The following PTGIS variants were observed in gnomAD, a reference collection of about 807,000 sequenced individuals.
PTGIS encodes prostaglandin I2 synthase.
PTGIS carries 45 observed loss-of-function variants against 50.3 expected under a neutral mutation model. The observed-to-expected ratio is 0.90, with a 90% CI of 0.70 to 1.15. The LOEUF is 1.15. Ranked by LOEUF, PTGIS falls within the 50% of genes most tolerant of loss-of-function variation. PTGIS has a pLI of 0.00. For missense variants in PTGIS, 668 were observed against 661.3 expected (o/e 1.01, Z -0.11); for synonymous variants, 260 against 267.7 (o/e 0.97, Z 0.28).
intron 9 of PTGIS, among the ~76,000 whole-genome samples, chr20:49,509,037 G>A (rs915477162): frequency 6.6e-6 from 1 of 152,248 alleles, no homozygotes; most frequent in African/African-American, 2.4e-5. Flanking sequence ...GAAGAAGAGG[G>A]CAGATGAGGA....
At chr20:49,530,948 A>G (rs947521200) in intron 5 of PTGIS, among the ~76,000 whole-genome samples, 2 of 152,006 alleles carry the variant, frequency 1.3e-5, no homozygotes, top group Admixed American at 1.3e-4. Flanking sequence ...TTTAGTAGAG[A>G]CAGGGTCTCA....
chr20:49,561,582 C>T (rs1474025205), intron 1 of PTGIS, among the ~76,000 whole-genome samples: 1 of 152,220 alleles, frequency 6.6e-6, no homozygotes, highest in African/African-American at 2.4e-5. Context: ...AGACTGGACC[C>T]AGAAGCAGTG....
chr20:49,511,430 C>T (rs1437910935), intron 8 of PTGIS, among the ~76,000 whole-genome samples: 3 of 152,134 alleles, frequency 2.0e-5, no homozygotes, highest in African/African-American at 7.2e-5. Context: ...TTGCATGATC[C>T]TATACACACA....
At chr20:49,508,661 T>C (rs1245716316) in intron 9 of PTGIS, among the ~76,000 whole-genome samples, 1 of 152,228 alleles carries the variant, frequency 6.6e-6, no homozygotes, top group African/African-American at 2.4e-5. Context: ...CTTAGGTGTC[T>C]TTGTGAGATT....
In PTGIS at chr20:49,539,707, G is replaced by A. The variant is rs1421035669; in HGVS notation, c.536C>T (p.Thr179Ile). Residue 179 changes from threonine (T) to isoleucine (I), a missense_variant, in exon 5 of 10, where the codon ACT becomes ATT. By Grantham distance (89) the Thr-to-Ile change is moderately conservative. Coordinates refer to ENST00000244043, the MANE Select transcript of PTGIS (RefSeq NM_000961.4). Reference sequence around the variant, plus strand: ...TGGCAGCGCCTCAATTCCGTAAAGAGTCAGGTAGCCGGCTCTGGGGGCGGC... The same window carrying A: ...TGGCAGCGCCTCAATTCCGTAAAGAATCAGGTAGCCGGCTCTGGGGGCGGC... ...YSFLLRAGYLTLYGIEALPRT... is the reference protein window; with the variant it reads ...YSFLLRAGYLILYGIEALPRT... The A allele has an allele frequency of 6.2e-7, 1 of 1,612,756 alleles. No individual in the cohort carries two copies. Among genetic ancestry groups the A allele is most frequent in the Admixed American group, 1.7e-5 (1 of 59,962 alleles).
At chr20:49,565,910 C>G (rs965245424) in intron 1 of PTGIS, among the ~76,000 whole-genome samples, 12 of 152,146 alleles carry the variant, frequency 7.9e-5, no homozygotes, top group African/African-American at 2.9e-4. Context: ...CACTGTTGAC[C>G]CTTCCAAGGT....
rs532183321 is a variant in PTGIS, at chr20:49,564,257, A to AT, written c.74+3785dup. ...CAAGGGTGGAATATCATGACATCTA[A>AT]TTTTTTTTTTTTGAGATGGAGTCTC... On this transcript the variant is annotated intron_variant, in intron 1 of 9. Coordinates refer to ENST00000244043, the MANE Select transcript of PTGIS (RefSeq NM_000961.4). Among the ~76,000 whole-genome samples the AT allele has an allele frequency of 3.1e-3, 464 of 147,870 alleles. 4 individuals carry two copies. In the South Asian group the frequency reaches 0.052, roughly 17 times the overall value.
intron 3 of PTGIS, among the ~76,000 whole-genome samples, chr20:49,545,721 G>A (rs146604419): frequency 4.9e-4 from 74 of 152,266 alleles, no homozygotes; most frequent in African/African-American, 1.7e-3. Context: ...TATCCCTACA[G>A]CAAGTGAAGT....
At chr20:49,551,515 A>T (rs1442269647) in intron 1 of PTGIS, among the ~76,000 whole-genome samples, 1 of 152,114 alleles carries the variant, frequency 6.6e-6, no homozygotes, top group African/African-American at 2.4e-5. Flanking sequence ...CCCCACATCA[A>T]GTTGTCCTGT....
chr20:49,508,066 TG>T lies in PTGIS; in HGVS notation c.1359-3del. On this transcript the variant is annotated splice_polypyrimidine_tract_variant and splice_region_variant and intron_variant, in intron 9 of 9. Transcript: ENST00000244043. ...TGCACCAGCACAAGGAACACAAATC[TG>T]CAGAGAGATGGCATGGAAGGTGTGA... The T allele has an allele frequency of 6.2e-7, 1 of 1,613,668 alleles. No individual in the cohort carries two copies. Among genetic ancestry groups the T allele is most frequent in the Non-Finnish European group, 8.5e-7 (1 of 1,180,010 alleles).
chr20:49,524,567 T>C (rs1601185762), intron 5 of PTGIS, among the ~76,000 whole-genome samples: 1 of 152,296 alleles, frequency 6.6e-6, no homozygotes, highest in East Asian at 1.9e-4. Flanking sequence ...TATTAGTCTG[T>C]TTTCATGCTG....
At position 49,544,257 on chromosome 20, in the gene PTGIS, G is replaced by A. The variant is rs777497450; in HGVS notation, c.521+48C>T. On this transcript the variant is annotated intron_variant, in intron 4 of 9. Coordinates refer to ENST00000244043, the MANE Select transcript of PTGIS (RefSeq NM_000961.4). ...TGGCCACTGCTCATGGCTGACACAG[G>A]TCAAAGTGCCGGGCCCCAGCAGGAG... The A allele has an allele frequency of 1.9e-5, 30 of 1,611,002 alleles. No individual in the cohort carries two copies. In the Admixed American group the frequency reaches 4.3e-4, roughly 23 times the overall value.
intron 1 of PTGIS, among the ~76,000 whole-genome samples, chr20:49,565,506 A>T (rs943822469): frequency 1.2e-4 from 18 of 152,110 alleles, no homozygotes; most frequent in Non-Finnish European, 2.9e-5. Context: ...TCTCTACAAA[A>T]TTTTTAAAAT....
intron 8 of PTGIS, among the ~76,000 whole-genome samples, chr20:49,512,105 A>T (rs1292148968): frequency 6.6e-6 from 1 of 151,344 alleles, no homozygotes. Flanking sequence ...AGACGGATGG[A>T]TAGATGGATG....
rs1982170485 is a variant in PTGIS at position 49,539,589 on chromosome 20, G to A, written c.654C>T (p.Ala218=). The A allele has an allele frequency of 1.2e-6, 2 of 1,613,762 alleles. No individual in the cohort carries two copies. Among genetic ancestry groups the A allele is most frequent in the Admixed American group, 1.7e-5 (1 of 59,988 alleles). ...RQLDRLLPKL[A]RGSLSVGDKD... is the part of the protein sequence containing the mutation. Reference sequence around the variant, plus strand: ...GCTTACCCACTGACAGGGAGCCACGGGCCAGTTTGGGGAGCAGCCGGTCGA... The same window carrying A: ...GCTTACCCACTGACAGGGAGCCACGAGCCAGTTTGGGGAGCAGCCGGTCGA... The change falls in exon 5 of 10, where the codon GCC becomes GCT. Residue 218 remains alanine (A), a synonymous_variant. Coordinates refer to ENST00000244043, the MANE Select transcript of PTGIS (RefSeq NM_000961.4).
chr20:49,567,948 G>A, intron 1 of PTGIS, 95 bp downstream of exon 1: 1 of 1,219,972 alleles, frequency 8.2e-7, no homozygotes, highest in Non-Finnish European at 1.1e-6. Context: ...CGGGACTCGG[G>A]CCGGGCCGGC....
At chr20:49,558,546 C>A (rs1182349679) in intron 1 of PTGIS, among the ~76,000 whole-genome samples, 1 of 152,146 alleles carries the variant, frequency 6.6e-6, no homozygotes, top group African/African-American at 2.4e-5. Flanking sequence ...CAAGACCCAG[C>A]AATGTACCCT....
At chr20:49,537,003 A>T (rs1378792556) in intron 5 of PTGIS, among the ~76,000 whole-genome samples, 1 of 152,176 alleles carries the variant, frequency 6.6e-6, no homozygotes, top group Non-Finnish European at 1.5e-5. Flanking sequence ...GGCAAGTAGA[A>T]GTAACTTGCT....
chr20:49,559,933 T>A (rs1982722497), intron 1 of PTGIS, among the ~76,000 whole-genome samples: 1 of 151,978 alleles, frequency 6.6e-6, no homozygotes, highest in Admixed American at 6.6e-5. Context: ...ACACTTTTTT[T>A]TTTTTTTTTG....
Sources: allele counts gnomAD v4.1 joint callset (sites outside exome capture counted in the v4.1 genomes callset), GRCh38; gene constraint gnomAD v4.1.1; transcripts MANE v1.5; gene names NCBI Gene and HGNC (gene_info 2026-07-23, HGNC 2026-07-21).